Variants in SLC2A3 observed in about 807,000 individuals in gnomAD.
SLC2A3 encodes the protein solute carrier family 2, facilitated glucose transporter member 3.
In SLC2A3, 21 loss-of-function variants were observed where a neutral mutation model predicts 46.4. The observed-to-expected ratio is 0.45, with a 90% CI of 0.32 to 0.65. SLC2A3 has a LOEUF of 0.65. SLC2A3 is among the 30% of genes least tolerant of loss of function. The pLI is 0.04. For synonymous variants in SLC2A3, 213 were observed against 239.4 expected (o/e 0.89, Z 1.02); for missense variants, 499 against 623.3 (o/e 0.80, Z 2.12).
At position 7,922,849 on chromosome 12, in the gene SLC2A3, A is replaced by G. The variant is rs1409138062; in HGVS notation, c.1244T>C (p.Leu415Pro). 6.2e-7 allele frequency: 1 copy of G among 1,614,044 alleles called. No individual in the cohort carries two copies. The highest frequency in any genetic ancestry group is 8.5e-7 in the Non-Finnish European group (1 of 1,179,924). The change falls in exon 9 of 10, where the codon CTA (leucine) becomes CCA (proline). Residue 415 changes from leucine to proline, a missense_variant. By Grantham distance (98) the Leu-to-Pro change is moderately conservative (BLOSUM62 -3). Transcript: ENST00000075120. ...AGCGGAGGGGAAGAGCAATCCGACT[A>G]GGAAGTTGGAGGTCCAGTTGGAGCA... ...AGCSNWTSNF[L>P]VGLLFPSAAH...
At chr12:7,925,651 C>T in intron 7 of SLC2A3, 193 bp downstream of exon 7, 1 of 562,876 alleles carries the variant, frequency 1.8e-6, no homozygotes, top group Non-Finnish European at 3.2e-6. Context: ...TCTATACTCC[C>T]TCCTTTCCCA....
intron 9 of SLC2A3, among the ~76,000 whole-genome samples, chr12:7,921,902 G>A (rs58060502): frequency 0.063 from 9,593 of 152,044 alleles, 843 homozygotes; most frequent in African/African-American, 0.2. Flanking sequence ...TTTAAAATCT[G>A]TGTTTCTGGG....
rs1376081235 is a variant in SLC2A3, at chr12:7,920,102, A to T, written c.*1311T>A. The T allele has an allele frequency of 6.6e-6, 1 of 152,448 alleles. No individual in the cohort carries two copies. The highest frequency in any genetic ancestry group is 2.4e-5 in the African/African-American group (1 of 41,408). The allele number at this position is 152,448 out of a possible 1,614,324, so 9.4% of individuals were successfully genotyped here. A position where few individuals can be genotyped will look rare whatever the true frequency, so the allele number is the denominator to read the frequency against. The stretch of plus-strand genomic sequence containing the variant: ...TGCCGTGAGCCTAAAGCAACAACAC[A>T]CTTTAGATAATAATCGCTCAGAAAA... On this transcript the variant is annotated 3_prime_UTR_variant, in exon 10 of 10. Transcript: ENST00000075120.
Position 7,933,856 on chromosome 12 carries a change from G to C in SLC2A3, c.62C>G (p.Ser21Cys). ...IFAITVATIG[S>C]FQFGYNTGVI... ...CCCAGTGTTGTAGCCAAATTGGAAA[G>C]AGCCGATTGTAGCAACTGTGATGGC... The change falls in exon 2 of 10, where the codon TCT becomes TGT. Residue 21 changes from serine to cysteine, a missense_variant. By Grantham distance (112) the Ser-to-Cys change is moderately radical (BLOSUM62 -1). Around this residue, in one of 5 missense-constraint regions of SLC2A3, gnomAD observed 248 missense variants for 284.0 expected, o/e 0.87. Coordinates refer to ENST00000075120, the MANE Select transcript of SLC2A3 (RefSeq NM_006931.3). The C allele has an allele frequency of 1.2e-6, 2 of 1,614,080 alleles. No individual in the cohort carries two copies. The highest frequency in any genetic ancestry group is 1.7e-5 in the Admixed American group (1 of 60,008).
Position 7,933,729 on chromosome 12 carries a change from T to C in SLC2A3, c.108+81A>G, listed in dbSNP as rs1410390802. The C allele has an allele frequency of 4.0e-6, 6 of 1,487,982 alleles. 1 individual carries two copies. In the Admixed American group the frequency reaches 9.0e-5, roughly 22 times the overall value. The allele number at this position is 1,487,982 out of a possible 1,614,324, so 92.2% of individuals were successfully genotyped here. A position where few individuals can be genotyped will look rare whatever the true frequency, so the allele number is the denominator to read the frequency against. ...CAGGCAGATGCCACCATGCCTGGCC[T>C]TAAATTCTGAATTCCTGAAACCCTA... On this transcript the variant is annotated intron_variant, in intron 2 of 9. Coordinates refer to ENST00000075120, the MANE Select transcript of SLC2A3 (RefSeq NM_006931.3).
At chr12:7,932,638 TA>T (rs1431792852) in intron 3 of SLC2A3, 9 of 204,966 alleles carry the variant, frequency 4.4e-5, no homozygotes, top group Admixed American at 2.8e-4. Flanking sequence ...GGTAAAATAA[TA>T]AAAACATTTA....
At chr12:7,932,915 G>GC in intron 3 of SLC2A3, 72 bp downstream of exon 3, 1 of 1,582,848 alleles carries the variant, frequency 6.3e-7, no homozygotes, top group South Asian at 1.1e-5. Flanking sequence ...TCACCTCCCT[G>GC]CCCTAACTCT....
At chr12:7,930,327 G>T in intron 5 of SLC2A3, 153 bp downstream of exon 5, 1 of 788,658 alleles carries the variant, frequency 1.3e-6, no homozygotes, top group Non-Finnish European at 2.0e-6. Flanking sequence ...ATTCTTTAGG[G>T]GCTGAAAATT....
intron 3 of SLC2A3, among the ~76,000 whole-genome samples, chr12:7,931,880 ATTTTT>A (rs58764879): frequency 2.8e-5 from 3 of 108,088 alleles, no homozygotes; most frequent in Non-Finnish European, 6.1e-5. Context: ...TCTAATTGGC[ATTTTT>A]TTTTTTTTTT....
chr12:7,922,803 T>C lies in SLC2A3; in HGVS notation c.1272+18A>G. The C allele has an allele frequency of 1.2e-6, 2 of 1,613,866 alleles. No homozygotes were observed. The highest frequency in any genetic ancestry group is 1.1e-5 in the South Asian group (1 of 91,068). The stretch of plus-strand genomic sequence containing the variant: ...CAGCTTACATAGGCTGGTTTTAAGA[T>C]AAGGTGAGTTTACTTACAGCAGCGG... On this transcript the variant is annotated intron_variant, in intron 9 of 9. Coordinates refer to ENST00000075120, the MANE Select transcript of SLC2A3 (RefSeq NM_006931.3).
chr12:7,934,464 T>C lies in SLC2A3; in HGVS notation c.16-562A>G, dbSNP rs1344423328. ...ATCCTGGCCCCATTTCAGTCTTCGT[T>C]TATTAAATACAGTTCTGCTATCCCT... On this transcript the variant is annotated intron_variant, in intron 1 of 9. Transcript: ENST00000075120. Among the ~76,000 whole-genome samples, 4 of 151,716 alleles carry C rather than the reference T, an allele frequency of 2.6e-5. No homozygotes were observed. The South Asian group carries it at 6.2e-4, about 24-fold the overall frequency.
At chr12:7,923,291 C>G in intron 8 of SLC2A3, 1 of 356,022 alleles carries the variant, frequency 2.8e-6, no homozygotes, top group Non-Finnish European at 5.1e-6. Context: ...ACCTCAGCCT[C>G]TCAAATCGCT....
chr12:7,931,963 C>A (rs756022639), intron 3 of SLC2A3, among the ~76,000 whole-genome samples: 4 of 151,110 alleles, frequency 2.6e-5, no homozygotes, highest in African/African-American at 9.7e-5. Flanking sequence ...CTCACTGCAA[C>A]CTGCGCCTCC....
intron 6 of SLC2A3, 40 bp from the exon 7 acceptor site, chr12:7,925,988 C>T (rs1946091260): frequency 6.6e-7 from 1 of 1,517,600 alleles, no homozygotes; most frequent in Non-Finnish European, 9.2e-7. Flanking sequence ...TGCAATTCTG[C>T]ACACCAGTTA....
At position 7,931,475 on chromosome 12, in the gene SLC2A3, T is replaced by A; in HGVS notation, c.280A>T (p.Met94Leu). Residue 94 changes from methionine (M) to leucine (L), a missense_variant, in exon 4 of 10, where the codon ATG becomes TTG. Coordinates refer to ENST00000075120, the MANE Select transcript of SLC2A3 (RefSeq NM_006931.3). ...ACAGCCAACAGGTTGACAATCAGCA[T>A]TGAATTGCGCCTGTAAGGTTAATCA... ...FVNRFGRRNS[M>L]LIVNLLAVTG... 6.2e-7 allele frequency: 1 copy of A among 1,614,192 alleles called. No homozygotes were observed.
At chr12:7,929,518 G>T in intron 6 of SLC2A3, 166 bp downstream of exon 6, 3 of 886,384 alleles carry the variant, frequency 3.4e-6, no homozygotes, top group Non-Finnish European at 3.3e-6. Context: ...AGGCTGGAAT[G>T]CAGTGGCATA....
At chr12:7,926,881 T>C (rs536683659) in intron 6 of SLC2A3, among the ~76,000 whole-genome samples, 1 of 152,120 alleles carries the variant, frequency 6.6e-6, no homozygotes, top group Non-Finnish European at 1.5e-5. Flanking sequence ...AATTATTATG[T>C]TGTTTGCTAG....
At chr12:7,928,501 T>C (rs116400430) in intron 6 of SLC2A3, among the ~76,000 whole-genome samples, 3,661 of 152,172 alleles carry the variant, frequency 0.024, 143 homozygotes, top group African/African-American at 0.082. Flanking sequence ...CTTTTACTGA[T>C]CCTGTTTTGC....
chr12:7,926,139 A>C (rs1405023004), intron 6 of SLC2A3, among the ~76,000 whole-genome samples, 191 bp from the exon 7 acceptor site: 2 of 152,126 alleles, frequency 1.3e-5, no homozygotes, highest in Admixed American at 1.3e-4. Flanking sequence ...TCACCCAGGC[A>C]GGAGTGCAGT....
Sources: gnomAD v4.1 joint callset for allele counts (sites outside exome capture counted in the v4.1 genomes callset) on GRCh38, gnomAD v4.1.1 for gene constraint, gnomAD v4.1.1 regional missense constraint, MANE v1.5 for transcripts, NCBI Gene and HGNC (gene_info 2026-07-23, HGNC 2026-07-21) for gene names.